The following FER1L5 variants were observed in gnomAD, a reference collection of about 807,000 sequenced individuals.
FER1L5 encodes fer-1-like protein 5.
A neutral mutation model predicts 279.9 loss-of-function variants in FER1L5; 187 were observed. The ratio of observed to expected loss-of-function variants is 0.67; its 90% CI spans 0.59 to 0.75. The LOEUF is 0.75. Ranked by LOEUF, FER1L5 falls within the 30% of genes least tolerant of loss-of-function variation. FER1L5 has a pLI of 0.00. For missense variants in FER1L5, 2,091 were observed against 2,594.4 expected (o/e 0.81, Z 4.21); for synonymous variants, 921 against 989.7 (o/e 0.93, Z 1.30).
rs1558913979 is a variant in FER1L5 at position 96,691,932 on chromosome 2, C to G, written c.3183C>G (p.Pro1061=). The change falls in exon 30 of 53, where the codon CCC becomes CCG. Residue 1061 remains proline (P), a synonymous_variant. Coordinates refer to ENST00000624922, the MANE Select transcript of FER1L5 (RefSeq NM_001293083.2). The surrounding 1 kb of genome is among the most constrained non-coding windows in gnomAD (Gnocchi z 6.0). ...CCCAGAGGCAGGACACCCGGCCCCCCAACTTGCCCTTCATCTACTGCACCT... is the reference window on the plus strand; with the variant it reads ...CCCAGAGGCAGGACACCCGGCCCCCGAACTTGCCCTTCATCTACTGCACCT... ...RDPQRQDTRP[P]NLPFIYCTFN... is the part of the protein sequence containing the mutation. 6.5e-7 allele frequency: 1 copy of G among 1,548,954 alleles called. No individual in the cohort carries two copies. The highest frequency in any genetic ancestry group is 8.7e-7 in the Non-Finnish European group (1 of 1,146,760).
In FER1L5 at chr2:96,687,948, G is replaced by T; in HGVS notation, c.2361+1G>T. On this transcript the variant is annotated splice_donor_variant, in intron 24 of 52. Transcript: ENST00000624922. LOFTEE classifies it high-confidence loss of function. ...TGACACAGCGGTGTACGCCGAGATG[G>T]TGAGTGGTGAGCGGCAGCCCAAGGC... 2 of 1,550,996 alleles carry T rather than the reference G, an allele frequency of 1.3e-6. No homozygotes were observed. The highest frequency in any genetic ancestry group is 1.7e-6 in the Non-Finnish European group (2 of 1,146,932).
chr2:96,645,345 G>T (rs1166628279), intron 1 of FER1L5, among the ~76,000 whole-genome samples: 1 of 152,152 alleles, frequency 6.6e-6, no homozygotes, highest in Non-Finnish European at 1.5e-5. Context: ...AGGTCACAAG[G>T]GTGGCTATGG....
chr2:96,689,929 G>A lies in FER1L5; in HGVS notation c.2640+171G>A, dbSNP rs2077077854. Among the ~76,000 whole-genome samples, 1 of 152,192 alleles carries A rather than the reference G, an allele frequency of 6.6e-6. No individual in the cohort carries two copies. Among genetic ancestry groups the A allele is most frequent in the African/African-American group, 2.4e-5 (1 of 41,444 alleles). ...AGGCACTCTCTCTCAGCACTGATGG[G>A]GTGAGGGGTTTGTAGAAATACCTTA... On this transcript the variant is annotated intron_variant, in intron 26 of 52. Coordinates refer to ENST00000624922, the MANE Select transcript of FER1L5 (RefSeq NM_001293083.2). This position sits in a 1 kb window ranked among gnomAD's most constrained non-coding sequence, Gnocchi z 4.6.
At chr2:96,657,224 G>A (rs1173188414) in intron 9 of FER1L5, among the ~76,000 whole-genome samples, 1 of 151,768 alleles carries the variant, frequency 6.6e-6, no homozygotes, top group Non-Finnish European at 1.5e-5. Context: ...ACAGGCACGT[G>A]CCACCATGCC....
intron 1 of FER1L5, among the ~76,000 whole-genome samples, chr2:96,643,531 A>C (rs1016787373): frequency 2.0e-5 from 3 of 151,758 alleles, no homozygotes; most frequent in African/African-American, 7.3e-5. Flanking sequence ...TGTCATTTTA[A>C]TAGAGACGGG....
intron 23 of FER1L5, among the ~76,000 whole-genome samples, chr2:96,686,990 A>G (rs934373201): frequency 6.6e-6 from 1 of 151,862 alleles, no homozygotes; most frequent in East Asian, 1.9e-4. Context: ...TTTAATGTCT[A>G]TAAGGTTTGG....
chr2:96,700,137 G>A, intron 44 of FER1L5, 57 bp downstream of exon 44: 2 of 1,603,196 alleles, frequency 1.2e-6, no homozygotes, highest in Non-Finnish European at 1.7e-6. Context: ...GAAGCTGTGA[G>A]GCTCCAGAAT....
chr2:96,687,034 T>C (rs2076956720), intron 23 of FER1L5, among the ~76,000 whole-genome samples: 1 of 152,054 alleles, frequency 6.6e-6, no homozygotes, highest in Non-Finnish European at 1.5e-5. Flanking sequence ...AAGCTATAAA[T>C]AAGACTAAAC....
At chr2:96,667,469 T>C (rs1323933532) in intron 14 of FER1L5, among the ~76,000 whole-genome samples, 1 of 151,472 alleles carries the variant, frequency 6.6e-6, no homozygotes, top group Non-Finnish European at 1.5e-5. Flanking sequence ...TGCCTCAGCC[T>C]CCCGAGTAGC....
At chr2:96,646,517 G>A (rs1199563851) in intron 2 of FER1L5, 64 bp downstream of exon 2, 22 of 1,501,404 alleles carry the variant, frequency 1.5e-5, no homozygotes, top group Non-Finnish European at 2.0e-5. Context: ...GCAAGGGTGG[G>A]GTCCAGGAAG....
At position 96,697,665 on chromosome 2, in the gene FER1L5, G is replaced by C. The variant is rs750409310; in HGVS notation, c.4140G>C (p.Glu1380Asp). 1 of 1,614,046 alleles carries C rather than the reference G, an allele frequency of 6.2e-7. No homozygotes were observed. Among genetic ancestry groups the C allele is most frequent in the Non-Finnish European group, 8.5e-7 (1 of 1,179,900 alleles). ...ATGATCCTCTTCTCTGCCAGGATGA[G>C]TATGAGCATGAGGTGGACTGGTGGA... Reference protein sequence around the residue: ...FWFKSSKAEDEYEHEVDWWSK... With the variant: ...FWFKSSKAEDDYEHEVDWWSK... The change falls in exon 39 of 53, where the codon GAG (glutamate) becomes GAC (aspartate). Residue 1380 changes from glutamate to aspartate, a missense_variant. Transcript: ENST00000624922.
At chr2:96,678,824 C>A (rs1428095871) in intron 19 of FER1L5, among the ~76,000 whole-genome samples, 1 of 152,152 alleles carries the variant, frequency 6.6e-6, no homozygotes, top group Non-Finnish European at 1.5e-5. Flanking sequence ...TGCATTGTTT[C>A]TCTTATTATT....
rs2074939150 is a variant in FER1L5 at position 96,642,795 on chromosome 2, T to G, written c.-42T>G. On this transcript the variant is annotated 5_prime_UTR_variant, in exon 1 of 53. Coordinates refer to ENST00000624922, the MANE Select transcript of FER1L5 (RefSeq NM_001293083.2). ...CTGAGGAGCTCCAAAAAGGAAGCTG[T>G]GGCGCTGCGTAGGGAAGGAGGGAAG... 2.6e-6 allele frequency: 4 copies of G among 1,540,844 alleles called. No homozygotes were observed. The East Asian group carries it at 7.4e-5, about 29-fold the overall frequency.
At position 96,697,537 on chromosome 2, in the gene FER1L5, C is replaced by T; in HGVS notation, c.4095C>T (p.Tyr1365=). The part of the protein sequence containing the change: ...SEKKHQDFLG[Y]LYRKFWFKSS... ...CTCTCCTTTTTCAGTTCCTAGGCTA[C>T]CTCTACAGAAAGTTCTGGTTCAAGT... The change falls in exon 38 of 53, where the codon TAC becomes TAT. Residue 1365 remains tyrosine, a synonymous_variant. Coordinates refer to ENST00000624922, the MANE Select transcript of FER1L5 (RefSeq NM_001293083.2). 1 of 1,613,620 alleles carries T rather than the reference C, an allele frequency of 6.2e-7. No individual in the cohort carries two copies. Among genetic ancestry groups the T allele is most frequent in the Non-Finnish European group, 8.5e-7 (1 of 1,179,764 alleles).
intron 14 of FER1L5, among the ~76,000 whole-genome samples, chr2:96,667,693 T>C (rs1283063374): frequency 2.0e-5 from 3 of 152,124 alleles, no homozygotes; most frequent in Non-Finnish European, 4.4e-5. Flanking sequence ...TTTAAAAAGT[T>C]GATGGCTAGA....
intron 32 of FER1L5, 85 bp from the exon 33 acceptor site, chr2:96,693,826 A>G (rs1174609892): frequency 3.0e-5 from 44 of 1,475,804 alleles, no homozygotes; most frequent in Non-Finnish European, 2.1e-5. Flanking sequence ...TTCACCTGCC[A>G]GCTGTTGCCC....
rs974899207 is a variant in FER1L5, at chr2:96,694,190, G to A, written c.3636+118G>A. 4.3e-5 allele frequency: 60 copies of A among 1,404,280 alleles called. No individual in the cohort carries two copies. Among genetic ancestry groups the A allele is most frequent in the South Asian group, 2.6e-4 (18 of 69,054 alleles). The allele number at this position is 1,404,280 out of a possible 1,614,324, so 87.0% of individuals were successfully genotyped here. On this transcript the variant is annotated intron_variant, in intron 33 of 52. Coordinates refer to ENST00000624922, the MANE Select transcript of FER1L5 (RefSeq NM_001293083.2). This position sits in a 1 kb window ranked among gnomAD's most constrained non-coding sequence, Gnocchi z 4.6. ...GGAAATGCCTGGGGCCCAGGATCCC[G>A]AGCTGTGGGCTTGGTGACGCTGGCC...
chr2:96,695,956 TG>T, intron 36 of FER1L5, 52 bp downstream of exon 36: 1 of 1,607,780 alleles, frequency 6.2e-7, no homozygotes, highest in African/African-American at 1.3e-5. Context: ...GAGCCTGCAC[TG>T]GGAGTGGGGC....
intron 21 of FER1L5, among the ~76,000 whole-genome samples, chr2:96,685,705 C>T (rs2076896232): frequency 6.6e-6 from 1 of 152,170 alleles, no homozygotes; most frequent in South Asian, 2.1e-4. Flanking sequence ...CCACATAGCC[C>T]CACCTCCCTG....
Sources: gnomAD v4.1 joint callset for allele counts (sites outside exome capture counted in the v4.1 genomes callset) on GRCh38, gnomAD v4.1.1 for gene constraint, Gnocchi (gnomAD v3.1) non-coding constraint, MANE v1.5 for transcripts, NCBI Gene and HGNC (gene_info 2026-07-23, HGNC 2026-07-21) for gene names.